Variants in FANCD2 observed in about 807,000 individuals in gnomAD.
The protein encoded by FANCD2 is FA complementation group D2, also known as Fanconi anemia group D2 protein.
Under a neutral mutation model 192.3 loss-of-function variants are expected in FANCD2, and 131 were observed. That is an observed-to-expected ratio of 0.68 (90% CI 0.59 to 0.79). The LOEUF is 0.79. FANCD2 is among the 30% of genes least tolerant of loss of function. The pLI, the probability that FANCD2 is intolerant of heterozygous loss-of-function variation, is 0.00. For synonymous variants in FANCD2, 524 were observed against 612.5 expected (o/e 0.86, Z 2.13); for missense variants, 1,508 against 1,701.6 (o/e 0.89, Z 2.00).
intron 7 of FANCD2, among the ~76,000 whole-genome samples, 183 bp from the exon 8 acceptor site, chr3:10,039,096 C>T (rs142482992): frequency 4.6e-5 from 7 of 152,276 alleles, no homozygotes; most frequent in African/African-American, 1.7e-4. Flanking sequence ...TTTTTCTTAA[C>T]ATACGTAAGC....
chr3:10,063,009 T>C (rs2087613940), intron 20 of FANCD2, among the ~76,000 whole-genome samples: 1 of 152,200 alleles, frequency 6.6e-6, no homozygotes, highest in East Asian at 1.9e-4. Flanking sequence ...GCCAGTTGCA[T>C]TTATTTCTAT....
Position 10,067,240 on chromosome 3 carries a change from CT to C in FANCD2, c.2418del (p.Glu807ArgfsTer2). On this transcript the variant is annotated frameshift_variant, in exon 26 of 44. Transcript: ENST00000675286. LOFTEE classifies it high-confidence loss of function. ...AATGCCTTCTGCCAGGAAACATCAC[CT>C]GAGATGAAGGGGAAGGTGCTCACTC... ...IVNAFCQETS[P>X]EMKGKVLTRL... 1 of 1,613,462 alleles carries C rather than the reference CT, an allele frequency of 6.2e-7. No homozygotes were observed.
At chr3:10,070,000 C>T (rs945007319) in intron 26 of FANCD2, among the ~76,000 whole-genome samples, 2 of 151,418 alleles carry the variant, frequency 1.3e-5, no homozygotes, top group African/African-American at 2.4e-5. Context: ...CGGCCGCCAT[C>T]CCATCTAGGA....
At chr3:10,054,816 C>A (rs952480006) in intron 18 of FANCD2, among the ~76,000 whole-genome samples, 1 of 151,352 alleles carries the variant, frequency 6.6e-6, no homozygotes, top group South Asian at 2.1e-4. Flanking sequence ...TTTTTCCCCC[C>A]CTTTCTTGGA....
rs35208474 is a variant in FANCD2 at position 10,046,332 on chromosome 3, T to C, written c.1135-248T>C. On this transcript the variant is annotated intron_variant, in intron 14 of 43. Coordinates refer to ENST00000675286, the MANE Select transcript of FANCD2 (RefSeq NM_001018115.3). ...CCTCCCAAAGTGCTGGGATTACAGA[T>C]GTGAGCCACTGTGCCTGGCCTGCTC... is the stretch of plus-strand genomic sequence containing the variant. 81,026 of 458,728 alleles carry C rather than the reference T, an allele frequency of 0.18. 8,240 individuals are homozygous for C. The highest frequency in any genetic ancestry group is 0.34 in the African/African-American group (16,866 of 49,822). The allele number at this position is 458,728 out of a possible 1,614,324, so 28.4% of individuals were successfully genotyped here.
intron 24 of FANCD2, 81 bp downstream of exon 24, chr3:10,065,575 G>A (rs554536441): frequency 1.8e-5 from 17 of 943,582 alleles, no homozygotes; most frequent in Admixed American, 5.1e-5. Flanking sequence ...TCAATACATG[G>A]TGTATGTGGG....
In FANCD2 at chr3:10,074,624, A is replaced by G. The variant is rs746389067; in HGVS notation, c.2810A>G (p.His937Arg). Residue 937 changes from histidine (H) to arginine (R), a missense_variant, in exon 29 of 44, where the codon CAT (histidine) becomes CGT (arginine). By Grantham distance (29) the His-to-Arg change is conservative. Around this residue, in one of 5 missense-constraint regions of FANCD2, gnomAD observed 796 missense variants for 879.4 expected, o/e 0.91. Transcript: ENST00000675286. ...GACATTGAGGTCTTCTCTATTCTACATTGTGGACTTGTGACGAAGTTCATC... is the reference window on the plus strand; with the variant it reads ...GACATTGAGGTCTTCTCTATTCTACGTTGTGGACTTGTGACGAAGTTCATC... ...ELDIEVFSILHCGLVTKFILD... is the reference protein window; with the variant it reads ...ELDIEVFSILRCGLVTKFILD... 4.3e-5 allele frequency: 69 copies of G among 1,613,652 alleles called. No homozygotes were observed. The highest frequency in any genetic ancestry group is 1.6e-4 in the Middle Eastern group (1 of 6,080).
intron 26 of FANCD2, among the ~76,000 whole-genome samples, chr3:10,070,525 C>T (rs1347572522): frequency 6.4e-5 from 7 of 108,808 alleles, no homozygotes; most frequent in South Asian, 2.9e-4. Flanking sequence ...GCCCCCTGTC[C>T]GGCCAGCCGC....
intron 10 of FANCD2, 45 bp downstream of exon 10, chr3:10,041,755 C>T: frequency 7.5e-7 from 1 of 1,341,188 alleles, no homozygotes. Context: ...GCTTTCCAAC[C>T]TCCCAGAACA....
intron 20 of FANCD2, 134 bp from the exon 21 acceptor site, chr3:10,063,658 C>G: frequency 1.8e-6 from 2 of 1,121,300 alleles, no homozygotes; most frequent in Non-Finnish European, 2.7e-6. Context: ...TCAGAACATT[C>G]AGGAAAACTT....
chr3:10,081,409 A>C lies in FANCD2; in HGVS notation c.3169A>C (p.Ile1057Leu). Residue 1057 changes from isoleucine (I) to leucine (L), a missense_variant, in exon 32 of 44, where the codon ATA (isoleucine) becomes CTA (leucine). Transcript: ENST00000675286. The part of the protein sequence containing the change: ...GPGVKVQEYH[I>L]MSSCYQRLLQ... Reference sequence around the variant, plus strand: ...AGGAGTGAAAGTTCAGGAGTACCACATAATGTCTTCCTGCTATCAGAGGCT... The same window carrying C: ...AGGAGTGAAAGTTCAGGAGTACCACCTAATGTCTTCCTGCTATCAGAGGCT... 6.2e-7 allele frequency: 1 copy of C among 1,614,170 alleles called. No homozygotes were observed. The highest frequency in any genetic ancestry group is 8.5e-7 in the Non-Finnish European group (1 of 1,180,010).
At chr3:10,072,526 G>A (rs545281785) in intron 26 of FANCD2, among the ~76,000 whole-genome samples, 6 of 152,200 alleles carry the variant, frequency 3.9e-5, no homozygotes, top group Admixed American at 6.5e-5. Flanking sequence ...TGATCCGCGC[G>A]CCTTGACCTC....
chr3:10,034,184 CA>C (rs912403847), intron 3 of FANCD2, among the ~76,000 whole-genome samples: 7 of 143,974 alleles, frequency 4.9e-5, no homozygotes, highest in Non-Finnish European at 6.1e-5. Flanking sequence ...CGAAACAAAA[CA>C]AAAAAAAACG....
intron 25 of FANCD2, among the ~76,000 whole-genome samples, chr3:10,066,650 T>G (rs1349966819): frequency 6.6e-6 from 1 of 152,168 alleles, no homozygotes; most frequent in Non-Finnish European, 1.5e-5. Context: ...TTTCACCAAA[T>G]TGTGTGCTGT....
At chr3:10,092,287 A>G (rs1186319896) in intron 38 of FANCD2, 35 bp downstream of exon 38, 1 of 1,499,274 alleles carries the variant, frequency 6.7e-7, no homozygotes, top group South Asian at 1.1e-5. Flanking sequence ...ATCTCACCAA[A>G]TAACTGCAGA....
intron 7 of FANCD2, among the ~76,000 whole-genome samples, chr3:10,038,053 C>T (rs1158949836): frequency 2.0e-5 from 3 of 152,152 alleles, no homozygotes; most frequent in Non-Finnish European, 4.4e-5. Context: ...TACAGTGGTG[C>T]GATCTTGGCT....
At chr3:10,090,243 C>G (rs753435096) in intron 36 of FANCD2, 49 bp from the exon 37 acceptor site, 1 of 1,382,330 alleles carries the variant, frequency 7.2e-7, no homozygotes, top group Admixed American at 1.7e-5. Context: ...CCAGGTAGTT[C>G]TAAGCAGTGC....
chr3:10,098,508 A>AAGG (rs1324535658), intron 42 of FANCD2, among the ~76,000 whole-genome samples: 1 of 152,174 alleles, frequency 6.6e-6, no homozygotes, highest in Non-Finnish European at 1.5e-5. Flanking sequence ...CTTTCGTTAC[A>AAGG]TTACTTATTG....
At chr3:10,035,361 A>G (rs141630205) in intron 6 of FANCD2, 128 bp downstream of exon 6, 635 of 798,654 alleles carry the variant, frequency 8.0e-4, no homozygotes, top group Non-Finnish European at 1.3e-3. Context: ...CAGCTTTAGC[A>G]CAGCCCTGTT....
Sources: gnomAD v4.1 joint callset for allele counts (sites outside exome capture counted in the v4.1 genomes callset) on GRCh38, gnomAD v4.1.1 for gene constraint, gnomAD v4.1.1 regional missense constraint, MANE v1.5 for transcripts, NCBI Gene and HGNC (gene_info 2026-07-23, HGNC 2026-07-21) for gene names.